The following CBR4 variants were observed in gnomAD, a reference collection of about 807,000 sequenced individuals.
The protein encoded by CBR4 is 3-oxoacyl-[acyl-carrier-protein] reductase.
CBR4 carries 22 observed loss-of-function variants against 21.0 expected under a neutral mutation model. The ratio of observed to expected loss-of-function variants is 1.05; its 90% CI spans 0.75 to 1.50. The LOEUF (loss-of-function observed/expected upper bound fraction) is 1.50. Among genes scored for constraint, CBR4 ranks in the 40% most tolerant of loss-of-function variants. CBR4 has a pLI of 0.00. For missense variants in CBR4, 302 were observed against 286.3 expected (o/e 1.05, Z -0.40); for synonymous variants, 100 against 104.4 (o/e 0.96, Z 0.26).
rs903778008 is a variant in CBR4 at position 169,010,184 on chromosome 4, A to G, written c.-95T>C. The G allele has an allele frequency of 1.8e-5, 21 of 1,162,264 alleles. No homozygotes were observed. Among genetic ancestry groups the G allele is most frequent in the South Asian group, 3.4e-5 (2 of 59,132 alleles). 72.0% of individuals were successfully genotyped at this position (1,162,264 alleles called of 1,614,324 possible). A position where few individuals can be genotyped will look rare whatever the true frequency, so the allele number is the denominator to read the frequency against. ...TAAACAACCGCGGTTCCAAAAAAAAAAAAAAGAAAAAAAAAGGCAAACCGC... is the reference window on the plus strand; with the variant it reads ...TAAACAACCGCGGTTCCAAAAAAAAGAAAAAGAAAAAAAAAGGCAAACCGC... On this transcript the variant is annotated 5_prime_UTR_variant, in exon 1 of 5. Transcript: ENST00000306193.
Position 168,990,195 on chromosome 4 carries a change from T to G in CBR4, c.669A>C (p.Thr223=), listed in dbSNP as rs1478796671. The G allele has an allele frequency of 6.2e-7, 1 of 1,612,398 alleles. No homozygotes were observed. The highest frequency in any genetic ancestry group is 1.7e-5 in the Admixed American group (1 of 59,796). The stretch of plus-strand genomic sequence containing the variant: ...CCCCATCCACTACCAGAACATGCCC[T>G]GTAATATACGGTGATTCTAAAAGAA... The part of the protein sequence containing the change: ...VVFLLESPYI[T]GHVLVVDGGL... Residue 223 remains threonine, a synonymous_variant, in exon 5 of 5, where the codon ACA becomes ACC. Coordinates refer to ENST00000306193, the MANE Select transcript of CBR4 (RefSeq NM_032783.5).
intron 4 of CBR4, among the ~76,000 whole-genome samples, chr4:169,000,399 A>G (rs1376094788): frequency 6.6e-6 from 1 of 152,186 alleles, no homozygotes; most frequent in Non-Finnish European, 1.5e-5. Context: ...AAAGAAAAGA[A>G]AAGAATTGAA....
intron 2 of CBR4, among the ~76,000 whole-genome samples, chr4:168,964,457 T>C (rs1048493723): frequency 1.2e-4 from 18 of 152,110 alleles, no homozygotes; most frequent in African/African-American, 4.1e-4. Flanking sequence ...AAAAAGGTAT[T>C]TTTCTCCCCA....
At chr4:168,896,007 C>G (rs1246140321) in intron 2 of CBR4, among the ~76,000 whole-genome samples, 1 of 152,160 alleles carries the variant, frequency 6.6e-6, no homozygotes, top group Admixed American at 6.5e-5. Context: ...GTCAGGAGTT[C>G]AAGACCAGCC....
At chr4:168,928,319 G>GTAT in intron 2 of CBR4, 1 of 99,762 alleles carries the variant, frequency 1.0e-5, no homozygotes, top group Middle Eastern at 3.3e-3. Context: ...CCTTTATATT[G>GTAT]TATTTATAAA....
chr4:168,965,295 G>A (rs1291076341), intron 2 of CBR4, among the ~76,000 whole-genome samples: 1 of 151,962 alleles, frequency 6.6e-6, no homozygotes, highest in Non-Finnish European at 1.5e-5. Context: ...TTCTCATGAA[G>A]AATCAATATC....
At chr4:168,951,572 T>C (rs538890342) in intron 2 of CBR4, among the ~76,000 whole-genome samples, 7 of 152,364 alleles carry the variant, frequency 4.6e-5, no homozygotes, top group South Asian at 4.1e-4. Flanking sequence ...GTTTCAAGAT[T>C]TAGAGCTCCT....
At chr4:168,991,951 A>G (rs1255343648) in intron 4 of CBR4, among the ~76,000 whole-genome samples, 3 of 152,244 alleles carry the variant, frequency 2.0e-5, no homozygotes, top group Non-Finnish European at 4.4e-5. Context: ...AACTATAGAT[A>G]AACCTAAATA....
At chr4:168,953,808 A>C (rs146595426) in intron 2 of CBR4, among the ~76,000 whole-genome samples, 143 of 152,272 alleles carry the variant, frequency 9.4e-4, no homozygotes, top group African/African-American at 3.3e-3. Context: ...CTAATATGAC[A>C]GGGATCTAAA....
chr4:168,976,345 G>A (rs1291019241), intron 2 of CBR4, among the ~76,000 whole-genome samples: 1 of 152,120 alleles, frequency 6.6e-6, no homozygotes, highest in East Asian at 1.9e-4. Context: ...ATTTCACTTG[G>A]CTCCCTAAAT....
At chr4:168,966,252 G>A (rs185244820) in intron 2 of CBR4, among the ~76,000 whole-genome samples, 1 of 150,656 alleles carries the variant, frequency 6.6e-6, no homozygotes. Flanking sequence ...CGTGGCTCAC[G>A]ACTGTAATCC....
At chr4:168,973,575 G>A (rs183538899) in intron 2 of CBR4, among the ~76,000 whole-genome samples, 26 of 152,334 alleles carry the variant, frequency 1.7e-4, no homozygotes, top group South Asian at 4.1e-4. Context: ...TGATCCACCT[G>A]CCTTGGCCTC....
chr4:168,913,979 G>T lies in CBR4; in HGVS notation n.170-19214C>A. 6.2e-7 allele frequency: 1 copy of T among 1,613,328 alleles called. No homozygotes were observed. The highest frequency in any genetic ancestry group is 8.5e-7 in the Non-Finnish European group (1 of 1,179,278). On this transcript the variant is annotated intron_variant and non_coding_transcript_variant, in intron 2 of 3. Transcript: ENST00000509108. ...ATGGTACAGGCTGTCAACCAAAGAG[G>T]TCGAAGTCCCCGGTCTCCCTCAGGC...
Position 168,932,551 on chromosome 4 carries a change from G to T in CBR4, n.170-37786C>A, listed in dbSNP as rs1041565403. Among the ~76,000 whole-genome samples, 37 of 152,282 alleles carry T rather than the reference G, an allele frequency of 2.4e-4. No homozygotes were observed. In the Middle Eastern group the frequency reaches 0.014, roughly 56 times the overall value. On this transcript the variant is annotated intron_variant and non_coding_transcript_variant, in intron 2 of 3. Coordinates refer to the CBR4 transcript ENST00000509108. The stretch of plus-strand genomic sequence containing the variant: ...AAAAAACTTCCCAAGTTTTGGAAAA[G>T]AGATGAACATCTAGCTCTAAGAAGC...
intron 2 of CBR4, among the ~76,000 whole-genome samples, chr4:168,951,700 T>C (rs1763544386): frequency 6.6e-6 from 1 of 152,226 alleles, no homozygotes; most frequent in Non-Finnish European, 1.5e-5. Flanking sequence ...ACAAAATTCT[T>C]GGCTGATAAT....
chr4:168,920,373 G>A (rs1474649885), intron 2 of CBR4, among the ~76,000 whole-genome samples: 3 of 152,210 alleles, frequency 2.0e-5, no homozygotes, highest in Non-Finnish European at 2.9e-5. Context: ...GGTAATATCA[G>A]TTGAGTATCA....
At chr4:168,990,750 T>C (rs1282355208) in intron 4 of CBR4, among the ~76,000 whole-genome samples, 4 of 151,754 alleles carry the variant, frequency 2.6e-5, no homozygotes, top group African/African-American at 9.7e-5. Flanking sequence ...ATAAACCTTG[T>C]TTATATAAAA....
chr4:168,902,315 T>C (rs1490603303), intron 2 of CBR4, among the ~76,000 whole-genome samples: 1 of 152,166 alleles, frequency 6.6e-6, no homozygotes, highest in Non-Finnish European at 1.5e-5. Flanking sequence ...AACAAATAAC[T>C]TGCTGTGGCT....
At chr4:169,001,208 TG>T (rs1730401212) in intron 4 of CBR4, 1 of 151,704 alleles carries the variant, frequency 6.6e-6, no homozygotes, top group African/African-American at 2.4e-5. Flanking sequence ...CAGGCTGATC[TG>T]GAACTCCTGG....
Sources: allele counts gnomAD v4.1 joint callset (sites outside exome capture counted in the v4.1 genomes callset), GRCh38; gene constraint gnomAD v4.1.1; transcripts MANE v1.5; gene names NCBI Gene and HGNC (gene_info 2026-07-23, HGNC 2026-07-21).